Variants in NLRP4 observed in about 807,000 individuals in gnomAD.
NLRP4 encodes NACHT, LRR and PYD domains-containing protein 4.
In NLRP4, 44 loss-of-function variants were observed where a neutral mutation model predicts 84.7. That is an observed-to-expected ratio of 0.52 (90% confidence interval 0.41 to 0.67). NLRP4 has a LOEUF of 0.67. NLRP4 is among the 30% of genes least tolerant of loss of function. The probability of loss-of-function intolerance (pLI) is 0.00; values close to 1 mark genes in which losing one functional copy is unlikely to be tolerated. For synonymous variants in NLRP4, 544 were observed against 476.4 expected (o/e 1.14, Z -1.85); for missense variants, 1,260 against 1,219.4 (o/e 1.03, Z -0.50).
intron 1 of NLRP4, among the ~76,000 whole-genome samples, chr19:55,847,617 C>A (rs945430286): frequency 7.2e-5 from 11 of 151,994 alleles, no homozygotes; most frequent in African/African-American, 2.7e-4. Context: ...TAACGACTTT[C>A]GTTACCATGG....
intron 2 of NLRP4, 183 bp from the exon 3 acceptor site, chr19:55,857,491 A>G (rs1269707629): frequency 1.7e-6 from 1 of 603,266 alleles, no homozygotes; most frequent in African/African-American, 1.9e-5. Context: ...TGTAGACAAT[A>G]TACCCGTGAA....
At position 55,881,784 on chromosome 19, in the gene NLRP4, C is replaced by T. The variant is rs1310283958; in HGVS notation, c.*197C>T. 1 of 410,786 alleles carries T rather than the reference C, an allele frequency of 2.4e-6. No homozygotes were observed. Among genetic ancestry groups the T allele is most frequent in the African/African-American group, 2.0e-5 (1 of 48,818 alleles). The allele number at this position is 410,786 out of a possible 1,614,324, so 25.4% of individuals were successfully genotyped here. On this transcript the variant is annotated 3_prime_UTR_variant, in exon 10 of 10. Transcript: ENST00000301295. Reference sequence around the variant, plus strand: ...GGCCTTGGATGAGTCACTGAAAGGCCTTCATGGTCTCTCGGTCTCACAAGG... The same window carrying T: ...GGCCTTGGATGAGTCACTGAAAGGCTTTCATGGTCTCTCGGTCTCACAAGG...
chr19:55,869,072 G>A (rs1410090868), intron 6 of NLRP4, among the ~76,000 whole-genome samples: 1 of 152,174 alleles, frequency 6.6e-6, no homozygotes, highest in Admixed American at 6.5e-5. Flanking sequence ...GGACAAACAG[G>A]TGAGTCCTAG....
chr19:55,867,668 A>G lies in NLRP4; in HGVS notation c.2187-41A>G, dbSNP rs555976218. On this transcript the variant is annotated intron_variant, in intron 5 of 9. Transcript: ENST00000301295. ...ATTGGCAAGAGGAATGAGTCCAGGA[A>G]CTAGAAACCAACAGAATGTGACATT... is the stretch of plus-strand genomic sequence containing the variant. 1.8e-5 allele frequency: 29 copies of G among 1,578,702 alleles called. No individual in the cohort carries two copies. In the South Asian group the frequency reaches 3.4e-4, roughly 18 times the overall value.
At chr19:55,874,886 A>C (rs2123065066) in intron 7 of NLRP4, among the ~76,000 whole-genome samples, 1 of 152,312 alleles carries the variant, frequency 6.6e-6, no homozygotes, top group South Asian at 2.1e-4. Context: ...ATTAGCAAGC[A>C]GAATCCATAA....
chr19:55,842,853 G>T (rs1023374581), intron 1 of NLRP4, among the ~76,000 whole-genome samples: 1 of 151,922 alleles, frequency 6.6e-6, no homozygotes, highest in Non-Finnish European at 1.5e-5. Flanking sequence ...TCTGCCTCCC[G>T]GGTTCACGCC....
intron 5 of NLRP4, among the ~76,000 whole-genome samples, chr19:55,862,368 G>C (rs879229765): frequency 1.6e-5 from 1 of 64,416 alleles, no homozygotes; most frequent in Non-Finnish European, 3.1e-5. Context: ...AGACTATAGC[G>C]TAAGTCTCCG....
intron 5 of NLRP4, 152 bp downstream of exon 5, chr19:55,862,311 A>G (rs1381479962): frequency 2.0e-5 from 7 of 348,288 alleles, no homozygotes; most frequent in African/African-American, 2.6e-5. Context: ...AGAGAAGACT[A>G]TAGCGTAAGT....
intron 2 of NLRP4, among the ~76,000 whole-genome samples, chr19:55,855,392 A>G (rs1197156133): frequency 6.6e-6 from 1 of 152,182 alleles, no homozygotes; most frequent in East Asian, 1.9e-4. Flanking sequence ...CAAACATGTC[A>G]CCGAAATCTC....
intron 6 of NLRP4, among the ~76,000 whole-genome samples, chr19:55,869,075 A>G (rs1429288875): frequency 6.6e-6 from 1 of 152,204 alleles, no homozygotes; most frequent in African/African-American, 2.4e-5. Flanking sequence ...CAAACAGGTG[A>G]GTCCTAGAAT....
At chr19:55,864,206 A>G (rs973960066) in intron 5 of NLRP4, among the ~76,000 whole-genome samples, 8 of 152,200 alleles carry the variant, frequency 5.3e-5, no homozygotes, top group Non-Finnish European at 1.0e-4. Context: ...GAAACCCCAT[A>G]CCCATTAGCA....
rs956515867 is a variant in NLRP4, at chr19:55,858,530, G to T, written c.1137G>T (p.Leu379=). 2 of 1,614,132 alleles carry T rather than the reference G, an allele frequency of 1.2e-6. No individual in the cohort carries two copies. Among genetic ancestry groups the T allele is most frequent in the East Asian group, 2.2e-5 (1 of 44,878 alleles). ...TGTACTCCTCTTTCGTCTTTAACCTGTTCACACCTGAGGGTGCCGAGGGCC... is the reference window on the plus strand; with the variant it reads ...TGTACTCCTCTTTCGTCTTTAACCTTTTCACACCTGAGGGTGCCGAGGGCC... ...TSVYSSFVFN[L]FTPEGAEGPT... Residue 379 remains leucine (L), a synonymous_variant, in exon 3 of 10, where the codon CTG becomes CTT. Transcript: ENST00000301295. This position sits in a 1 kb window ranked among gnomAD's most constrained non-coding sequence, Gnocchi z 4.2.
rs370476091 is a variant in NLRP4, at chr19:55,858,645, G to C, written c.1252G>C (p.Asp418His). 2 of 1,614,142 alleles carry C rather than the reference G, an allele frequency of 1.2e-6. No individual in the cohort carries two copies. Among genetic ancestry groups the C allele is most frequent in the African/African-American group, 1.3e-5 (1 of 75,038 alleles). Residue 418 changes from aspartate to histidine, a missense_variant, in exon 3 of 10, where the codon GAC becomes CAC. Physicochemically the swap from Asp to His is moderately conservative, Grantham distance 81 (BLOSUM62 -1). Coordinates refer to ENST00000301295, the MANE Select transcript of NLRP4 (RefSeq NM_134444.5). This position sits in a 1 kb window ranked among gnomAD's most constrained non-coding sequence, Gnocchi z 4.2. ...WTDTFEFCED[D>H]LRRNGVVDAD... The stretch of plus-strand genomic sequence containing the variant: ...AGACACATTTGAGTTTTGTGAAGAC[G>C]ACCTCCGGAGAAATGGGGTTGTTGA...
chr19:55,878,491 A>AAAAAAGG (rs1568676498), intron 8 of NLRP4, among the ~76,000 whole-genome samples: 1 of 152,118 alleles, frequency 6.6e-6, no homozygotes, highest in Non-Finnish European at 1.5e-5. Context: ...AGACGGCTTC[A>AAAAAAGG]TACCTTTTTT....
rs1267265465 is a variant in NLRP4, at chr19:55,862,109, G to A, written c.2136G>A (p.Arg712=). ...TLTKLSRDDI[R]SLCDALNYPA... Reference sequence around the variant, plus strand: ...CGAAACTCTCTCGTGATGACATCAGGTCCCTCTGTGATGCCTTGAACTACC... The same window carrying A: ...CGAAACTCTCTCGTGATGACATCAGATCCCTCTGTGATGCCTTGAACTACC... Residue 712 remains arginine (R), a synonymous_variant, in exon 5 of 10, where the codon AGG becomes AGA. Transcript: ENST00000301295. The A allele has an allele frequency of 1.2e-6, 2 of 1,613,826 alleles. No homozygotes were observed. The highest frequency in any genetic ancestry group is 2.2e-5 in the East Asian group (1 of 44,898).
chr19:55,862,900 A>G lies in NLRP4; in HGVS notation c.2186+741A>G, dbSNP rs150739741. Among the ~76,000 whole-genome samples, 25 of 152,340 alleles carry G rather than the reference A, an allele frequency of 1.6e-4. No individual in the cohort carries two copies. The East Asian group carries it at 4.4e-3, about 27-fold the overall frequency. On this transcript the variant is annotated intron_variant, in intron 5 of 9. Coordinates refer to ENST00000301295, the MANE Select transcript of NLRP4 (RefSeq NM_134444.5). ...TGGATAGGGAAGTTAAAGTTTCCCA[A>G]TTGATGTAGCCATTTCGGAAAACTG...
chr19:55,860,111 G>T (rs184792344), intron 3 of NLRP4, among the ~76,000 whole-genome samples: 1 of 150,708 alleles, frequency 6.6e-6, no homozygotes, highest in Non-Finnish European at 1.5e-5. Flanking sequence ...TCGGCCTCCC[G>T]AATAGCTGGG....
At chr19:55,870,513 A>T (rs899874484) in intron 6 of NLRP4, among the ~76,000 whole-genome samples, 2 of 152,180 alleles carry the variant, frequency 1.3e-5, no homozygotes, top group Non-Finnish European at 2.9e-5. Flanking sequence ...AAATGCAAAA[A>T]TTAGCGAGAT....
Position 55,858,285 on chromosome 19 carries a change from C to G in NLRP4, c.892C>G (p.Gln298Glu), listed in dbSNP as rs1984543025. ...RDQVTISEIY[Q>E]PRGFNESDRL... is the part of the protein sequence containing the mutation. ...TCAGGTGACGATCTCAGAAATCTAC[C>G]AGCCCCGGGGATTCAACGAGAGTGA... The change falls in exon 3 of 10, where the codon CAG becomes GAG. Residue 298 changes from glutamine to glutamate, a missense_variant. Transcript: ENST00000301295. This position sits in a 1 kb window ranked among gnomAD's most constrained non-coding sequence, Gnocchi z 4.2. 1 of 1,614,080 alleles carries G rather than the reference C, an allele frequency of 6.2e-7. No individual in the cohort carries two copies. Among genetic ancestry groups the G allele is most frequent in the Non-Finnish European group, 8.5e-7 (1 of 1,180,036 alleles).
Sources: gnomAD v4.1 joint callset for allele counts (sites outside exome capture counted in the v4.1 genomes callset) on GRCh38, gnomAD v4.1.1 for gene constraint, Gnocchi (gnomAD v3.1) non-coding constraint, MANE v1.5 for transcripts, NCBI Gene and HGNC (gene_info 2026-07-23, HGNC 2026-07-21) for gene names.